Variants in TAFA5 observed in about 807,000 individuals in gnomAD.
TAFA5 encodes chemokine-like protein TAFA-5.
In TAFA5, 6 loss-of-function variants were observed where a neutral mutation model predicts 15.3. The ratio of observed to expected loss-of-function variants is 0.39; its 90% CI spans 0.21 to 0.77. TAFA5 has a LOEUF of 0.77. Ranked by LOEUF, TAFA5 falls within the 30% of genes least tolerant of loss-of-function variation. The pLI, the probability that TAFA5 is intolerant of heterozygous loss-of-function variation, is 0.41. For missense variants in TAFA5, 161 were observed against 193.1 expected (o/e 0.83, Z 0.98); for synonymous variants, 103 against 80.7 (o/e 1.28, Z -1.48).
At chr22:48,534,763 C>T (rs138827839) in intron 1 of TAFA5, among the ~76,000 whole-genome samples, 48 of 152,308 alleles carry the variant, frequency 3.2e-4, no homozygotes, top group Non-Finnish European at 5.9e-4. Flanking sequence ...GCGGGCACCG[C>T]GGGCGCACCT....
intron 3 of TAFA5, among the ~76,000 whole-genome samples, chr22:48,747,389 G>A (rs1458345630): frequency 6.6e-6 from 1 of 152,180 alleles, no homozygotes; most frequent in African/African-American, 2.4e-5. Context: ...GCACCTTCAG[G>A]GAGCAGCCCC....
intron 1 of TAFA5, among the ~76,000 whole-genome samples, chr22:48,620,385 T>C (rs1440642493): frequency 1.3e-5 from 2 of 152,128 alleles, no homozygotes; most frequent in Non-Finnish European, 2.9e-5. Flanking sequence ...ATATTTTGAC[T>C]TAATTGTCTC....
chr22:48,676,345 G>A (rs754732726), intron 2 of TAFA5, among the ~76,000 whole-genome samples: 23 of 152,232 alleles, frequency 1.5e-4, no homozygotes, highest in African/African-American at 4.8e-4. Context: ...GAGGGTGGAC[G>A]TTGTCCCGGG....
intron 2 of TAFA5, among the ~76,000 whole-genome samples, chr22:48,650,829 G>A (rs985977174): frequency 6.7e-6 from 1 of 149,392 alleles, no homozygotes; most frequent in African/African-American, 2.4e-5. Flanking sequence ...TGCCCTCTGA[G>A]GCAGGCACCC....
At position 48,531,888 on chromosome 22, in the gene TAFA5, G is replaced by C. The variant is rs1011013265; in HGVS notation, c.112+42184G>C. On this transcript the variant is annotated intron_variant, in intron 1 of 3. Transcript: ENST00000402357. Reference sequence around the variant, plus strand: ...CGGACGGGCCTGGCAGGGCAGGAGAGGGTGGACGTCCCACAGCCAGGAACA... The same window carrying C: ...CGGACGGGCCTGGCAGGGCAGGAGACGGTGGACGTCCCACAGCCAGGAACA... 2.0e-5 allele frequency among the ~76,000 whole-genome samples: 3 copies of C among 152,224 alleles called. No individual in the cohort carries two copies. In the East Asian group the frequency reaches 5.8e-4, roughly 29 times the overall value.
chr22:48,536,618 A>C (rs560652303), intron 1 of TAFA5, among the ~76,000 whole-genome samples: 1 of 152,340 alleles, frequency 6.6e-6, no homozygotes, highest in East Asian at 1.9e-4. Context: ...AAACCGCCTG[A>C]AGAATTTTTA....
intron 2 of TAFA5, among the ~76,000 whole-genome samples, chr22:48,706,650 C>G (rs776651842): frequency 6.6e-5 from 10 of 152,236 alleles, no homozygotes; most frequent in Non-Finnish European, 1.3e-4. Context: ...TAACCTTGAA[C>G]TAAAATACTG....
chr22:48,536,305 A>G (rs1217984378), intron 1 of TAFA5, among the ~76,000 whole-genome samples: 1 of 152,226 alleles, frequency 6.6e-6, no homozygotes, highest in Admixed American at 6.5e-5. Flanking sequence ...AGAATTGTCT[A>G]TCAGAGGGCT....
At position 48,682,084 on chromosome 22, in the gene TAFA5, T is replaced by C. The variant is rs181311934; in HGVS notation, c.263-25633T>C. Among the ~76,000 whole-genome samples, 512 of 56,400 alleles carry C rather than the reference T, an allele frequency of 9.1e-3. 81 individuals are homozygous for C. In the East Asian group the frequency reaches 0.1, roughly 12 times the overall value. The allele number at this position is 56,400 out of a possible 152,430, so 37.0% of individuals were successfully genotyped here. ...GATCCCATTCGTGGAGCACAGTGGG[T>C]GTTTGATGACAAATCACAACTTCTG... On this transcript the variant is annotated intron_variant, in intron 2 of 3. Coordinates refer to ENST00000402357, the MANE Select transcript of TAFA5 (RefSeq NM_001082967.3).
chr22:48,535,431 A>T (rs1922122096), intron 1 of TAFA5, among the ~76,000 whole-genome samples: 1 of 152,256 alleles, frequency 6.6e-6, no homozygotes, highest in South Asian at 2.1e-4. Flanking sequence ...ACAGATGAGC[A>T]TTGAACACAA....
chr22:48,521,076 T>C (rs1921584855), intron 1 of TAFA5, among the ~76,000 whole-genome samples: 1 of 152,150 alleles, frequency 6.6e-6, no homozygotes, highest in Admixed American at 6.5e-5. Context: ...GCCTGTTGAA[T>C]TCTTCCCACC....
rs1440499173 is a variant in TAFA5 at position 48,490,846 on chromosome 22, C to T, written c.112+1142C>T. Among the ~76,000 whole-genome samples, 2 of 151,268 alleles carry T rather than the reference C, an allele frequency of 1.3e-5. No individual in the cohort carries two copies. The highest frequency in any genetic ancestry group is 2.9e-5 in the Non-Finnish European group (2 of 67,848). Reference sequence around the variant, plus strand: ...ACACCACCTCCTCCAGAGCCCCGGGCCTCCAAGCTCCCAGTCCGATCTGAT... The same window carrying T: ...ACACCACCTCCTCCAGAGCCCCGGGTCTCCAAGCTCCCAGTCCGATCTGAT... On this transcript the variant is annotated intron_variant, in intron 1 of 3. Coordinates refer to ENST00000402357, the MANE Select transcript of TAFA5 (RefSeq NM_001082967.3). The surrounding 1 kb of genome is among the most constrained non-coding windows in gnomAD (Gnocchi z 5.8).
At chr22:48,710,009 C>T (rs983660598) in intron 3 of TAFA5, among the ~76,000 whole-genome samples, 2 of 152,230 alleles carry the variant, frequency 1.3e-5, no homozygotes, top group South Asian at 4.1e-4. Flanking sequence ...AGCTCAGTGG[C>T]ATTGGGCACA....
At chr22:48,543,506 G>T (rs1922539406) in intron 1 of TAFA5, 2 of 152,218 alleles carry the variant, frequency 1.3e-5, no homozygotes, top group South Asian at 4.1e-4. Flanking sequence ...TCCTACGGGG[G>T]GACCCTCGCT....
intron 2 of TAFA5, among the ~76,000 whole-genome samples, chr22:48,649,217 C>T (rs768090694): frequency 4.6e-5 from 7 of 152,220 alleles, no homozygotes; most frequent in Non-Finnish European, 8.8e-5. Flanking sequence ...GTTGCGTGCA[C>T]TGCTCAGGTG....
chr22:48,539,522 G>A (rs1922286100), intron 1 of TAFA5: 1 of 467,960 alleles, frequency 2.1e-6, no homozygotes, highest in African/African-American at 2.0e-5. Flanking sequence ...GGTGCAGTTT[G>A]TCACTGCAAC....
intron 1 of TAFA5, among the ~76,000 whole-genome samples, chr22:48,563,948 G>A (rs1441863144): frequency 2.6e-5 from 4 of 152,318 alleles, no homozygotes; most frequent in African/African-American, 7.2e-5. Context: ...TGAAACCGAC[G>A]ATGCTGTAGA....
rs1922825473 is a variant in TAFA5, at chr22:48,550,698, CA to C, written c.112+60995del. ...GTGAGGTGGCTTGCCTGGGACCACA[CA>C]GTGGTTGGGTGTGGAGTCCGGACAA... On this transcript the variant is annotated intron_variant, in intron 1 of 3. Coordinates refer to ENST00000402357, the MANE Select transcript of TAFA5 (RefSeq NM_001082967.3). The surrounding 1 kb of genome is among the most constrained non-coding windows in gnomAD (Gnocchi z 4.1). Among the ~76,000 whole-genome samples, 1 of 152,140 alleles carries C rather than the reference CA, an allele frequency of 6.6e-6. No homozygotes were observed. Among genetic ancestry groups the C allele is most frequent in the African/African-American group, 2.4e-5 (1 of 41,428 alleles).
At chr22:48,537,629 G>T (rs746758997) in intron 1 of TAFA5, among the ~76,000 whole-genome samples, 1 of 152,236 alleles carries the variant, frequency 6.6e-6, no homozygotes, top group Non-Finnish European at 1.5e-5. Context: ...CAAACCAAAT[G>T]CCATGGCCTC....
Sources: gnomAD v4.1 joint callset for allele counts (sites outside exome capture counted in the v4.1 genomes callset) on GRCh38, gnomAD v4.1.1 for gene constraint, Gnocchi (gnomAD v3.1) non-coding constraint, MANE v1.5 for transcripts, NCBI Gene and HGNC (gene_info 2026-07-23, HGNC 2026-07-21) for gene names.